The following RPA1 variants were observed in gnomAD, a reference collection of about 807,000 sequenced individuals.
The protein encoded by RPA1 is replication protein A 70 kDa DNA-binding subunit.
RPA1 carries 49 observed loss-of-function variants against 83.0 expected under a neutral mutation model. The ratio of observed to expected loss-of-function variants is 0.59; its 90% CI spans 0.47 to 0.75. The LOEUF (loss-of-function observed/expected upper bound fraction) is 0.75. Among genes scored for constraint, RPA1 ranks in the 30% least tolerant of loss-of-function variants. RPA1 has a pLI of 0.00. For synonymous variants in RPA1, 279 were observed against 281.8 expected, an observed-to-expected ratio of 0.99 and a Z score of 0.10; for missense variants, 693 against 776.1, an observed-to-expected ratio of 0.89 and a Z score of 1.27.
intron 13 of RPA1, among the ~76,000 whole-genome samples, chr17:1,886,523 T>C (rs534332985): frequency 1.3e-4 from 20 of 152,338 alleles, no homozygotes; most frequent in African/African-American, 4.8e-4. Flanking sequence ...TCTGTCTACG[T>C]TGAAAATCTG....
chr17:1,890,889 G>A (rs2151291780), intron 14 of RPA1, among the ~76,000 whole-genome samples: 1 of 152,272 alleles, frequency 6.6e-6, no homozygotes, highest in Non-Finnish European at 1.5e-5. Context: ...GTGCGTCATT[G>A]TAGTTCTTGC....
At chr17:1,881,543 G>C (rs938739623) in intron 12 of RPA1, among the ~76,000 whole-genome samples, 1 of 152,100 alleles carries the variant, frequency 6.6e-6, no homozygotes, top group African/African-American at 2.4e-5. Context: ...CGTATCTGCC[G>C]AACTGCAGGG....
chr17:1,897,013 GTTTCACTGCTCCACACCACAC>G, intron 16 of RPA1, 37 bp from the exon 17 acceptor site: 2 of 1,443,020 alleles, frequency 1.4e-6, no homozygotes, highest in Non-Finnish European at 1.9e-6. Flanking sequence ...AGCAAAAGGG[GTTTCACTGCTCCACACCACAC>G]TTTCACTGCT....
rs942479086 is a variant in RPA1, at chr17:1,898,915, G to T, written c.*1740G>T. 6.5e-6 allele frequency: 1 copy of T among 152,678 alleles called. No homozygotes were observed. Among genetic ancestry groups the T allele is most frequent in the Non-Finnish European group, 1.5e-5 (1 of 68,082 alleles). 9.5% of individuals were successfully genotyped at this position (152,678 alleles called of 1,614,324 possible). A position where few individuals can be genotyped will look rare whatever the true frequency, so the allele number is the denominator to read the frequency against. ...GATTGACAAATTGTGGCTGGGAAGT[G>T]GCGATCTAGCTTTCAGCCCAGTAAC... On this transcript the variant is annotated 3_prime_UTR_variant, in exon 17 of 17. Coordinates refer to ENST00000254719, the MANE Select transcript of RPA1 (RefSeq NM_002945.5).
At chr17:1,844,235 T>G (rs1912170345) in intron 3 of RPA1, among the ~76,000 whole-genome samples, 1 of 152,188 alleles carries the variant, frequency 6.6e-6, no homozygotes, top group Non-Finnish European at 1.5e-5. Flanking sequence ...TTTTCTCTGA[T>G]TAATTTCCCT....
At chr17:1,881,525 G>A (rs569013416) in intron 12 of RPA1, among the ~76,000 whole-genome samples, 12 of 152,204 alleles carry the variant, frequency 7.9e-5, no homozygotes, top group South Asian at 4.2e-4. Flanking sequence ...TGAGTAGTAC[G>A]GTCCACACGT....
At chr17:1,842,547 T>G (rs949967413) in intron 1 of RPA1, among the ~76,000 whole-genome samples, 2 of 152,190 alleles carry the variant, frequency 1.3e-5, no homozygotes, top group Non-Finnish European at 2.9e-5. Flanking sequence ...GGGAAATGAA[T>G]GGCTGTTAAG....
chr17:1,877,112 G>C lies in RPA1; in HGVS notation c.588-100G>C, dbSNP rs975402959. 6.4e-6 allele frequency: 7 copies of C among 1,097,458 alleles called. No homozygotes were observed. The South Asian group carries it at 8.1e-5, about 13-fold the overall frequency. 68.0% of individuals were successfully genotyped at this position (1,097,458 alleles called of 1,614,324 possible). A position where few individuals can be genotyped will look rare whatever the true frequency, so the allele number is the denominator to read the frequency against. On this transcript the variant is annotated intron_variant, in intron 7 of 16. Transcript: ENST00000254719. ...TGGATTAAAATACAGGTTGGAAAAC[G>C]GAATATGCGTAAGACGAGAAAGGCT...
chr17:1,862,582 C>G (rs1323261438), intron 5 of RPA1, among the ~76,000 whole-genome samples: 1 of 151,384 alleles, frequency 6.6e-6, no homozygotes, highest in Non-Finnish European at 1.5e-5. Context: ...CCATGCCCAG[C>G]TAATTTTTGT....
chr17:1,863,809 A>T (rs1420387403), intron 5 of RPA1, among the ~76,000 whole-genome samples: 1 of 152,234 alleles, frequency 6.6e-6, no homozygotes, highest in Non-Finnish European at 1.5e-5. Flanking sequence ...GAACAACATA[A>T]TTTTATTGTT....
At chr17:1,859,114 G>A (rs1171815749) in intron 5 of RPA1, among the ~76,000 whole-genome samples, 1 of 152,046 alleles carries the variant, frequency 6.6e-6, no homozygotes, top group Non-Finnish European at 1.5e-5. Flanking sequence ...TGTTAGCCAG[G>A]CTGGTGTCAA....
At chr17:1,840,574 C>A (rs1236722815) in intron 1 of RPA1, among the ~76,000 whole-genome samples, 1 of 151,980 alleles carries the variant, frequency 6.6e-6, no homozygotes, top group Non-Finnish European at 1.5e-5. Flanking sequence ...GCGTGAGCCA[C>A]CACCTGGCTA....
chr17:1,890,200 T>C (rs1490302463), intron 14 of RPA1, among the ~76,000 whole-genome samples: 1 of 151,634 alleles, frequency 6.6e-6, no homozygotes, highest in East Asian at 1.9e-4. Flanking sequence ...CAAGACCCTG[T>C]CTCTACAAAA....
chr17:1,877,688 G>A (rs979675404), intron 8 of RPA1, among the ~76,000 whole-genome samples: 1 of 152,204 alleles, frequency 6.6e-6, no homozygotes, highest in African/African-American at 2.4e-5. Flanking sequence ...CTGATTTGCT[G>A]GCAGGTGTAC....
intron 6 of RPA1, among the ~76,000 whole-genome samples, chr17:1,873,992 CAA>C (rs71150832): frequency 0.077 from 3,453 of 44,606 alleles, 73 homozygotes; most frequent in African/African-American, 0.14. Context: ...GACTCTGTCT[CAA>C]AAAAAAAAAA....
intron 5 of RPA1, among the ~76,000 whole-genome samples, chr17:1,862,717 CTTT>C (rs71150827): frequency 1.9e-5 from 1 of 51,762 alleles, no homozygotes; most frequent in African/African-American, 7.2e-5. Context: ...CTGTGCCCAG[CTTT>C]TTTTTTTTTT....
intron 2 of RPA1, among the ~76,000 whole-genome samples, chr17:1,843,522 A>G (rs1367185900): frequency 2.6e-5 from 4 of 151,924 alleles, no homozygotes; most frequent in African/African-American, 9.7e-5. Flanking sequence ...TAGCTCCTTC[A>G]GGACAAGGAT....
chr17:1,872,574 G>T, intron 6 of RPA1, 48 bp downstream of exon 6: 1 of 1,598,670 alleles, frequency 6.3e-7, no homozygotes, highest in Non-Finnish European at 8.5e-7. Context: ...TCAGACTTCG[G>T]AATCATGTTT....
intron 13 of RPA1, among the ~76,000 whole-genome samples, chr17:1,885,644 G>T (rs1164128025): frequency 2.0e-5 from 3 of 151,976 alleles, no homozygotes; most frequent in Admixed American, 6.6e-5. Flanking sequence ...GTGTCATGTT[G>T]CCCAGGCTGC....
Sources: gnomAD v4.1 joint callset for allele counts (sites outside exome capture counted in the v4.1 genomes callset) on GRCh38, gnomAD v4.1.1 for gene constraint, MANE v1.5 for transcripts, NCBI Gene and HGNC (gene_info 2026-07-23, HGNC 2026-07-21) for gene names.